Variants in LINGO2 observed in about 807,000 individuals in gnomAD.
LINGO2 encodes the protein leucine-rich repeat and immunoglobulin-like domain-containing nogo receptor-interacting protein 2.
LINGO2 carries 14 observed loss-of-function variants against 30.6 expected under a neutral mutation model. That is an observed-to-expected ratio of 0.46 (90% CI 0.30 to 0.72). LINGO2 has a LOEUF of 0.72. LINGO2 is among the 30% of genes least tolerant of loss of function. The probability of loss-of-function intolerance (pLI) is 0.07; values close to 1 mark genes in which losing one functional copy is unlikely to be tolerated. For missense variants in LINGO2, 729 were observed against 751.7 expected (o/e 0.97, Z 0.35); for synonymous variants, 317 against 288.5 (o/e 1.10, Z -1.00).
intron 4 of LINGO2, among the ~76,000 whole-genome samples, chr9:28,035,972 T>C (rs1823915978): frequency 6.6e-6 from 1 of 152,192 alleles, no homozygotes; most frequent in African/African-American, 2.4e-5. Context: ...TCATTCAATA[T>C]CTAGCCTCTA....
chr9:28,386,395 C>T (rs1299429325), intron 2 of LINGO2, among the ~76,000 whole-genome samples: 2 of 152,030 alleles, frequency 1.3e-5, no homozygotes, highest in Non-Finnish European at 2.9e-5. Flanking sequence ...ATTCATATTT[C>T]CCTAAACTGT....
At chr9:28,919,655 A>C in the LINGO2 span, among the ~76,000 whole-genome samples, 1 of 152,168 alleles carries the variant, frequency 6.6e-6, no homozygotes, top group Non-Finnish European at 1.5e-5. Flanking sequence ...TTTATTCAGT[A>C]GTACACTGCA....
intron 1 of LINGO2, among the ~76,000 whole-genome samples, chr9:28,546,466 T>G (rs909857271): frequency 6.6e-6 from 1 of 152,076 alleles, no homozygotes; most frequent in African/African-American, 2.4e-5. Context: ...GGCTTGTTTG[T>G]TCAGATTCTT....
At chr9:28,590,467 A>G (rs1430363948) in intron 1 of LINGO2, among the ~76,000 whole-genome samples, 1 of 152,068 alleles carries the variant, frequency 6.6e-6, no homozygotes, top group African/African-American at 2.4e-5. Flanking sequence ...AAGAAAAAAA[A>G]ACAGACAACC....
intron 1 of LINGO2, among the ~76,000 whole-genome samples, chr9:28,524,777 T>C (rs780740508): frequency 6.6e-6 from 1 of 151,628 alleles, no homozygotes; most frequent in Non-Finnish European, 1.5e-5. Context: ...AATAAATAAA[T>C]CAAGGCAAAG....
chr9:29,052,601 G>T, the LINGO2 span, among the ~76,000 whole-genome samples: 1 of 152,066 alleles, frequency 6.6e-6, no homozygotes, highest in African/African-American at 2.4e-5. Flanking sequence ...TATTTCTGTT[G>T]AAGTAACATA....
At chr9:29,071,447 A>G in the LINGO2 span, among the ~76,000 whole-genome samples, 5 of 146,638 alleles carry the variant, frequency 3.4e-5, no homozygotes, top group African/African-American at 1.3e-4. Context: ...GAGATAATTT[A>G]ATACACAACT....
At chr9:28,987,090 T>C in the LINGO2 span, among the ~76,000 whole-genome samples, 299 of 149,516 alleles carry the variant, frequency 2.0e-3, 1 homozygote, top group Middle Eastern at 0.014. Flanking sequence ...TTTTTTTTTT[T>C]GGTGGAGTCT....
chr9:28,612,448 G>A (rs553651062), intron 1 of LINGO2, among the ~76,000 whole-genome samples: 3 of 152,246 alleles, frequency 2.0e-5, no homozygotes, highest in East Asian at 3.9e-4. Context: ...CAGCTGGGAG[G>A]GGGGCTATGT....
chr9:28,150,226 G>A (rs772992911), intron 4 of LINGO2, among the ~76,000 whole-genome samples: 5 of 152,038 alleles, frequency 3.3e-5, no homozygotes, highest in East Asian at 3.9e-4. Context: ...GCCTCTGCCC[G>A]GCCCCCTCAC....
chr9:28,291,550 C>A (rs897070726), intron 4 of LINGO2, among the ~76,000 whole-genome samples: 3 of 152,082 alleles, frequency 2.0e-5, no homozygotes, highest in Non-Finnish European at 4.4e-5. Flanking sequence ...AATGGAATTT[C>A]TAGAATGGAA....
intron 1 of LINGO2, among the ~76,000 whole-genome samples, chr9:28,652,896 G>T (rs1337788158): frequency 6.6e-6 from 1 of 151,936 alleles, no homozygotes; most frequent in Admixed American, 6.6e-5. Context: ...CACCAGATTT[G>T]AAGCCTGGCC....
the LINGO2 span, among the ~76,000 whole-genome samples, chr9:28,884,842 T>C: frequency 7.3e-6 from 1 of 136,096 alleles, no homozygotes; most frequent in African/African-American, 2.8e-5. Flanking sequence ...CAATTGTATA[T>C]ATATACATAT....
chr9:29,112,653 G>C, the LINGO2 span, among the ~76,000 whole-genome samples: 1 of 152,134 alleles, frequency 6.6e-6, no homozygotes, highest in African/African-American at 2.4e-5. Context: ...AGTGCCAACT[G>C]TCAAAAACAT....
chr9:28,247,907 A>G (rs1032462638), intron 4 of LINGO2, among the ~76,000 whole-genome samples: 4 of 152,182 alleles, frequency 2.6e-5, no homozygotes, highest in African/African-American at 7.2e-5. Flanking sequence ...CTATAATAAA[A>G]TATCATCTCA....
At chr9:28,192,829 G>A (rs992014030) in intron 4 of LINGO2, among the ~76,000 whole-genome samples, 3 of 152,076 alleles carry the variant, frequency 2.0e-5, no homozygotes, top group African/African-American at 7.2e-5. Flanking sequence ...GTAGGTGTTA[G>A]GGTCTATATT....
At chr9:29,132,955 A>G in the LINGO2 span, among the ~76,000 whole-genome samples, 1 of 152,136 alleles carries the variant, frequency 6.6e-6, no homozygotes, top group South Asian at 2.1e-4. Flanking sequence ...TCCTGGGCTC[A>G]GGTAATCCTC....
intron 4 of LINGO2, among the ~76,000 whole-genome samples, chr9:28,087,649 C>A (rs1375891530): frequency 6.6e-6 from 1 of 151,988 alleles, no homozygotes; most frequent in Non-Finnish European, 1.5e-5. Flanking sequence ...CAGGAATATG[C>A]CACATACTCA....
chr9:28,895,466 C>T, the LINGO2 span, among the ~76,000 whole-genome samples: 2 of 152,080 alleles, frequency 1.3e-5, no homozygotes, highest in Admixed American at 6.6e-5. Flanking sequence ...ACTGCCTGTC[C>T]ACCCTCTCAC....
Sources: gnomAD v4.1 joint callset for allele counts (sites outside exome capture counted in the v4.1 genomes callset) on GRCh38, gnomAD v4.1.1 for gene constraint, MANE v1.5 for transcripts, NCBI Gene and HGNC (gene_info 2026-07-23, HGNC 2026-07-21) for gene names.